The following RARS2 variants were observed in gnomAD, a reference collection of about 807,000 sequenced individuals.
RARS2 encodes the protein arginyl-tRNA synthetase 2, mitochondrial, also known as probable arginine--tRNA ligase, mitochondrial.
In RARS2, 67 loss-of-function variants were observed where a neutral mutation model predicts 88.5. That is an observed-to-expected ratio of 0.76 (90% confidence interval 0.62 to 0.93). RARS2 has a LOEUF of 0.93. RARS2 is among the 40% of genes least tolerant of loss of function. The pLI, the probability that RARS2 is intolerant of heterozygous loss-of-function variation, is 0.00. For synonymous variants in RARS2, 239 were observed against 230.3 expected (o/e 1.04, Z -0.34); for missense variants, 664 against 684.2 (o/e 0.97, Z 0.33).
intron 8 of RARS2, 69 bp from the exon 9 acceptor site, chr6:87,531,011 G>T: frequency 6.3e-7 from 1 of 1,590,100 alleles, no homozygotes. Context: ...CGGAAAGAAA[G>T]CAAAAAAAGC....
At chr6:87,589,893 G>T in intron 1 of RARS2, 29 bp downstream of exon 1, 3 of 1,614,200 alleles carry the variant, frequency 1.9e-6, no homozygotes, top group East Asian at 4.5e-5. Flanking sequence ...GCTCCTCAGG[G>T]ACTCCTCTGC....
chr6:87,546,814 AT>A (rs1287619787), intron 6 of RARS2, among the ~76,000 whole-genome samples: 1 of 152,202 alleles, frequency 6.6e-6, no homozygotes, highest in East Asian at 1.9e-4. Flanking sequence ...TACTGCAGCT[AT>A]CTTCTTTTCC....
intron 7 of RARS2, among the ~76,000 whole-genome samples, chr6:87,542,662 A>G (rs202054337): frequency 1.6e-5 from 2 of 128,940 alleles, no homozygotes; most frequent in South Asian, 2.3e-4. Context: ...AAAAAAAAAG[A>G]AAAAAAAAAA....
At position 87,524,630 on chromosome 6, in the gene RARS2, G is replaced by A. The variant is rs771274749; in HGVS notation, c.901C>T (p.Leu301Phe). ...KTIKGTAVVD[L>F]SGNGDPSSIC... The stretch of plus-strand genomic sequence containing the variant: ...GAGGAGGGGTCGCCATTCCCAGAGA[G>A]ATCTACTACAGCCGTTCCTTTTCTA... The change falls in exon 11 of 20, where the codon CTC (leucine) becomes TTC (phenylalanine). Residue 301 changes from leucine to phenylalanine, a missense_variant. Coordinates refer to ENST00000369536, the MANE Select transcript of RARS2 (RefSeq NM_020320.5). 6 of 1,612,260 alleles carry A rather than the reference G, an allele frequency of 3.7e-6. No homozygotes were observed. The Admixed American group carries it at 1.0e-4, about 27-fold the overall frequency.
rs985112689 is a variant in RARS2, at chr6:87,514,641, G to A, written c.1651-142C>T. The A allele has an allele frequency of 7.1e-5, 55 of 779,564 alleles. No individual in the cohort carries two copies. In the African/African-American group the frequency reaches 9.5e-4, roughly 13 times the overall value. 48.3% of individuals were successfully genotyped at this position (779,564 alleles called of 1,614,324 possible). ...TGCCCTAGAGTTACTATAGGCAAGA[G>A]AAGATAAATTCCTGGCATCCCTTAC... On this transcript the variant is annotated intron_variant, in intron 19 of 19. Coordinates refer to ENST00000369536, the MANE Select transcript of RARS2 (RefSeq NM_020320.5).
intron 1 of RARS2, among the ~76,000 whole-genome samples, chr6:87,571,148 G>A (rs549392419): frequency 2.4e-4 from 34 of 144,276 alleles, no homozygotes; most frequent in Non-Finnish European, 1.2e-4. Flanking sequence ...GGACCAGGTG[G>A]GGATAACTGA....
intron 1 of RARS2, among the ~76,000 whole-genome samples, chr6:87,572,501 A>G (rs13212076): frequency 0.074 from 11,247 of 152,226 alleles, 602 homozygotes; most frequent in African/African-American, 0.15. Flanking sequence ...ACAACATGCA[A>G]TTCTCATTTG....
intron 11 of RARS2, among the ~76,000 whole-genome samples, chr6:87,522,252 C>T (rs1252164554): frequency 1.3e-5 from 2 of 150,440 alleles, no homozygotes; most frequent in Non-Finnish European, 2.9e-5. Context: ...ATCGCTTGAA[C>T]CTAGGAGGTG....
chr6:87,560,861 C>T (rs1787644822), intron 4 of RARS2, among the ~76,000 whole-genome samples: 1 of 152,194 alleles, frequency 6.6e-6, no homozygotes, highest in Non-Finnish European at 1.5e-5. Context: ...GCACTCCAGC[C>T]TGGGCAACAA....
chr6:87,516,958 A>C, intron 17 of RARS2, 78 bp from the exon 18 acceptor site: 1 of 1,589,728 alleles, frequency 6.3e-7, no homozygotes, highest in African/African-American at 1.3e-5. Context: ...AAGATTGTGA[A>C]TATAAGGTTG....
intron 10 of RARS2, 63 bp from the exon 11 acceptor site, chr6:87,524,715 A>G (rs1775103318): frequency 8.3e-7 from 1 of 1,200,566 alleles, no homozygotes; most frequent in East Asian, 2.3e-5. Context: ...AAATTTTAAT[A>G]TCTAAAACAT....
At chr6:87,584,271 T>G (rs1327977636) in intron 1 of RARS2, among the ~76,000 whole-genome samples, 1 of 152,216 alleles carries the variant, frequency 6.6e-6, no homozygotes, top group Non-Finnish European at 1.5e-5. Flanking sequence ...TTGCTATGAA[T>G]AGTAAAATCC....
intron 4 of RARS2, among the ~76,000 whole-genome samples, chr6:87,559,750 C>A (rs1159027611): frequency 6.6e-6 from 1 of 151,994 alleles, no homozygotes; most frequent in Admixed American, 6.6e-5. Context: ...CTAAGTGTAC[C>A]ATGTTTATAA....
At chr6:87,531,081 TTTC>T in intron 8 of RARS2, 139 bp from the exon 9 acceptor site, 1 of 1,390,866 alleles carries the variant, frequency 7.2e-7, no homozygotes, top group Non-Finnish European at 9.7e-7. Flanking sequence ...AGTGTAACTT[TTTC>T]TTTTTTGCCA....
intron 8 of RARS2, among the ~76,000 whole-genome samples, chr6:87,541,208 GCT>G (rs1369479244): frequency 6.6e-6 from 1 of 152,132 alleles, no homozygotes; most frequent in Non-Finnish European, 1.5e-5. Context: ...ACAGGGTCTT[GCT>G]CTGTTGTCCA....
In RARS2 at chr6:87,514,440, A is replaced by G. The variant is rs766034639; in HGVS notation, c.1710T>C (p.Leu570=). The change falls in exon 20 of 20, where the codon CTT becomes CTC. Residue 570 remains leucine, a synonymous_variant. Coordinates refer to ENST00000369536, the MANE Select transcript of RARS2 (RefSeq NM_020320.5). ...RSVLANGMKL[L]GITPVCRM ...ACATCCTACATACAGGTGTTATTCC[A>G]AGAAGTTTCATTCCATTGGCTAGGA... The G allele has an allele frequency of 1.2e-6, 2 of 1,612,170 alleles. No individual in the cohort carries two copies. Among genetic ancestry groups the G allele is most frequent in the South Asian group, 1.1e-5 (1 of 91,040 alleles).
In RARS2 at chr6:87,530,943, C is replaced by T. The variant is rs1213073076; in HGVS notation, c.613-1G>A. The T allele has an allele frequency of 6.2e-7, 1 of 1,613,888 alleles. No individual in the cohort carries two copies. The highest frequency in any genetic ancestry group is 8.5e-7 in the Non-Finnish European group (1 of 1,179,956). On this transcript the variant is annotated splice_acceptor_variant, in intron 8 of 19. Transcript: ENST00000369536. LOFTEE classifies it high-confidence loss of function. ...CTTCTTTATTAACTTGTACATAAAC[C>T]TAAAAGTACAATAGTACATTAAATG...
chr6:87,536,877 CA>C (rs1203111697), intron 8 of RARS2, among the ~76,000 whole-genome samples: 4 of 152,096 alleles, frequency 2.6e-5, no homozygotes, highest in African/African-American at 9.7e-5. Flanking sequence ...GAAAAAGTTT[CA>C]AATGCTTGCC....
intron 4 of RARS2, among the ~76,000 whole-genome samples, chr6:87,560,798 G>A (rs556404237): frequency 6.6e-6 from 1 of 152,320 alleles, no homozygotes; most frequent in African/African-American, 2.4e-5. Flanking sequence ...AGAGGCAGGA[G>A]AATCGCTTGA....
Sources: allele counts gnomAD v4.1 joint callset (sites outside exome capture counted in the v4.1 genomes callset), GRCh38; gene constraint gnomAD v4.1.1; transcripts MANE v1.5; gene names NCBI Gene and HGNC (gene_info 2026-07-23, HGNC 2026-07-21).